UTP23: variants seen among roughly 807,000 people sequenced by gnomAD.
The protein encoded by UTP23 is rRNA-processing protein UTP23 homolog.
UTP23 carries 10 observed loss-of-function variants against 19.8 expected under a neutral mutation model. That is an observed-to-expected ratio of 0.50 (90% CI 0.31 to 0.86). The LOEUF (loss-of-function observed/expected upper bound fraction) is 0.86. UTP23 is among the 40% of genes least tolerant of loss of function. UTP23 has a pLI of 0.05. For missense variants in UTP23, 282 were observed against 293.1 expected, an observed-to-expected ratio of 0.96 and a Z score of 0.28; for synonymous variants, 108 against 105.4, an observed-to-expected ratio of 1.02 and a Z score of -0.15.
At position 116,773,679 on chromosome 8, in the gene UTP23, G is replaced by A. The variant is rs1319441945; in HGVS notation, c.*1837G>A. The A allele has an allele frequency of 2.9e-5, 8 of 279,458 alleles. No individual in the cohort carries two copies. The highest frequency in any genetic ancestry group is 4.3e-5 in the Non-Finnish European group (8 of 184,820). 17.3% of individuals were successfully genotyped at this position (279,458 alleles called of 1,614,324 possible). A position where few individuals can be genotyped will look rare whatever the true frequency, so the allele number is the denominator to read the frequency against. On this transcript the variant is annotated 3_prime_UTR_variant, in exon 3 of 3. Transcript: ENST00000309822. ...ACAAAAATTAGCTGGGTGTGGTGGT[G>A]TGCGCCTGTAGTCCCAGCTACTCGG...
chr8:116,769,200 G>A (rs1232343626), intron 1 of UTP23, among the ~76,000 whole-genome samples: 1 of 152,192 alleles, frequency 6.6e-6, no homozygotes, highest in Non-Finnish European at 1.5e-5. Flanking sequence ...GTGATGTGAA[G>A]GGTAAATTGG....
rs1815687507 is a variant in UTP23, at chr8:116,773,625, C to T, written c.*1783C>T. ...AAGAGATCAAGACCATCCTGGCCAA[C>T]ATGGTGAAACCCTGTCTGTACTAAA... On this transcript the variant is annotated 3_prime_UTR_variant, in exon 3 of 3. Transcript: ENST00000309822. 1 of 430,174 alleles carries T rather than the reference C, an allele frequency of 2.3e-6. No homozygotes were observed. Among genetic ancestry groups the T allele is most frequent in the African/African-American group, 2.2e-5 (1 of 46,372 alleles). The allele number at this position is 430,174 out of a possible 1,614,324, so 26.6% of individuals were successfully genotyped here.
At chr8:116,771,228 G>GT (rs1815646510) in intron 2 of UTP23, among the ~76,000 whole-genome samples, 1 of 152,154 alleles carries the variant, frequency 6.6e-6, no homozygotes, top group Non-Finnish European at 1.5e-5. Flanking sequence ...TGGCTCTAGA[G>GT]TATCGATAAA....
chr8:116,771,217 G>T (rs978709102), intron 2 of UTP23, among the ~76,000 whole-genome samples: 4 of 152,110 alleles, frequency 2.6e-5, no homozygotes, highest in African/African-American at 9.7e-5. Context: ...TTTGTAATTT[G>T]TGGCTCTAGA....
chr8:116,772,793 A>C lies in UTP23; in HGVS notation c.*951A>C, dbSNP rs185763558. ...GGGTCAATTCAGTTAGGAATTGAAT[A>C]ATGAAACGTGTCTCTCTGAATTCCC... On this transcript the variant is annotated 3_prime_UTR_variant, in exon 3 of 3. Transcript: ENST00000309822. 1 of 985,478 alleles carries C rather than the reference A, an allele frequency of 1.0e-6. No individual in the cohort carries two copies. Among genetic ancestry groups the C allele is most frequent in the African/African-American group, 1.7e-5 (1 of 57,378 alleles). The allele number at this position is 985,478 out of a possible 1,614,324, so 61.0% of individuals were successfully genotyped here. A position where few individuals can be genotyped will look rare whatever the true frequency, so the allele number is the denominator to read the frequency against.
rs1428402041 is a variant in UTP23, at chr8:116,766,766, G to A, written c.163G>A (p.Gly55Arg). Residue 55 changes from glycine to arginine, a missense_variant, in exon 1 of 3, where the codon GGG (glycine) becomes AGG (arginine). Coordinates refer to ENST00000309822, the MANE Select transcript of UTP23 (RefSeq NM_032334.3). ...GGAGCAGCTGCCCCGCTACCTCATG[G>A]GGGAGACGCAGCTGTGCACCACAAG... ...LREQLPRYLMGETQLCTTRCV... is the reference protein window; with the variant it reads ...LREQLPRYLMRETQLCTTRCV... 1.3e-6 allele frequency: 2 copies of A among 1,581,270 alleles called. No individual in the cohort carries two copies. Among genetic ancestry groups the A allele is most frequent in the African/African-American group, 1.4e-5 (1 of 74,060 alleles).
In UTP23 at chr8:116,771,793, G is replaced by T; in HGVS notation, c.701G>T (p.Arg234Ile). ...AGAAAAAGAAAAAGAATTCGGAACA[G>T]ATCTAACCCAAAAGTACTTTCTGAG... ...KKRKRKRIRN[R>I]SNPKVLSEKQ... The change falls in exon 3 of 3, where the codon AGA becomes ATA. Residue 234 changes from arginine (R) to isoleucine (I), a missense_variant. Physicochemically the swap from Arg to Ile is moderately conservative, Grantham distance 97. Transcript: ENST00000309822. The T allele has an allele frequency of 6.3e-7, 1 of 1,597,102 alleles. No homozygotes were observed. Among genetic ancestry groups the T allele is most frequent in the Non-Finnish European group, 8.5e-7 (1 of 1,176,238 alleles).
intron 1 of UTP23, among the ~76,000 whole-genome samples, chr8:116,767,530 A>AAGAGGAG (rs962025084): frequency 2.0e-5 from 3 of 152,220 alleles, no homozygotes; most frequent in African/African-American, 7.2e-5. Context: ...TGTCGGGATG[A>AAGAGGAG]AGAGGAGAGA....
At chr8:116,768,105 A>G (rs559773507) in intron 1 of UTP23, among the ~76,000 whole-genome samples, 106 of 152,176 alleles carry the variant, frequency 7.0e-4, no homozygotes, top group Non-Finnish European at 1.3e-3. Flanking sequence ...TACTGTGTTA[A>G]TAGTCTCCTT....
rs762846588 is a variant in UTP23 at position 116,767,021 on chromosome 8, A to ACATT, written c.188+231_188+234dup. Reference sequence around the variant, plus strand: ...TGTCGTTAGCCTGGCGAATGAGAGCACATTATAGCAGAGAGATCCGACTTC... The same window carrying ACATT: ...TGTCGTTAGCCTGGCGAATGAGAGCACATTCATTATAGCAGAGAGATCCGACTTC... On this transcript the variant is annotated intron_variant, in intron 1 of 2. Transcript: ENST00000309822. 7 of 468,484 alleles carry ACATT rather than the reference A, an allele frequency of 1.5e-5. No individual in the cohort carries two copies. The East Asian group carries it at 2.5e-4, about 17-fold the overall frequency. The allele number at this position is 468,484 out of a possible 1,614,324, so 29.0% of individuals were successfully genotyped here. A position where few individuals can be genotyped will look rare whatever the true frequency, so the allele number is the denominator to read the frequency against.
At chr8:116,769,115 G>A (rs1382554886) in intron 1 of UTP23, among the ~76,000 whole-genome samples, 2 of 152,232 alleles carry the variant, frequency 1.3e-5, no homozygotes, top group East Asian at 3.8e-4. Flanking sequence ...GTTTGAAGAT[G>A]TGTGGAGTTA....
intron 1 of UTP23, among the ~76,000 whole-genome samples, chr8:116,769,727 C>G (rs138724606): frequency 3.5e-4 from 53 of 152,146 alleles, no homozygotes; most frequent in African/African-American, 1.1e-3. Flanking sequence ...TTTTACTGTT[C>G]TGAATTGAAA....
chr8:116,772,896 G>A lies in UTP23; in HGVS notation c.*1054G>A. On this transcript the variant is annotated 3_prime_UTR_variant, in exon 3 of 3. Coordinates refer to ENST00000309822, the MANE Select transcript of UTP23 (RefSeq NM_032334.3). The stretch of plus-strand genomic sequence containing the variant: ...ACAAGATGGAAGTATAAAATTATTG[G>A]ACAAGTGAAATCGTATCAGTAGTTC... 1 of 985,396 alleles carries A rather than the reference G, an allele frequency of 1.0e-6. No homozygotes were observed. The highest frequency in any genetic ancestry group is 1.2e-6 in the Non-Finnish European group (1 of 829,934). 61.0% of individuals were successfully genotyped at this position (985,396 alleles called of 1,614,324 possible).
chr8:116,768,147 A>C (rs1815608470), intron 1 of UTP23, among the ~76,000 whole-genome samples: 1 of 152,168 alleles, frequency 6.6e-6, no homozygotes, highest in Non-Finnish European at 1.5e-5. Flanking sequence ...ATGAACAGCT[A>C]TCTGTATTTG....
chr8:116,770,508 C>A, intron 2 of UTP23, 142 bp downstream of exon 2: 1 of 727,344 alleles, frequency 1.4e-6, no homozygotes, highest in Non-Finnish European at 2.0e-6. Flanking sequence ...TCAGTAAAAG[C>A]AATTGTCATT....
chr8:116,767,329 G>A (rs201930881), intron 1 of UTP23, among the ~76,000 whole-genome samples: 192 of 152,190 alleles, frequency 1.3e-3, no homozygotes, highest in Non-Finnish European at 2.2e-3. Context: ...CAAAAAGTCA[G>A]TACTTGAGAT....
rs1815637019 is a variant in UTP23, at chr8:116,770,462, A to G, written c.363+96A>G. ...ATCAGAAAAAAGTTAGAATGATTAGACTTTTAAAAATACAGGCTTCTAAGT... is the reference window on the plus strand; with the variant it reads ...ATCAGAAAAAAGTTAGAATGATTAGGCTTTTAAAAATACAGGCTTCTAAGT... On this transcript the variant is annotated intron_variant, in intron 2 of 2. Coordinates refer to ENST00000309822, the MANE Select transcript of UTP23 (RefSeq NM_032334.3). 5 of 1,222,468 alleles carry G rather than the reference A, an allele frequency of 4.1e-6. No homozygotes were observed. In the African/African-American group the frequency reaches 6.0e-5, roughly 15 times the overall value. 75.7% of individuals were successfully genotyped at this position (1,222,468 alleles called of 1,614,324 possible).
chr8:116,769,570 G>T (rs1815625069), intron 1 of UTP23, among the ~76,000 whole-genome samples: 1 of 152,174 alleles, frequency 6.6e-6, no homozygotes, highest in Admixed American at 6.6e-5. Context: ...TAGAGGTCAA[G>T]TCTAATGACT....
At chr8:116,770,000 G>A in intron 1 of UTP23, 192 bp from the exon 2 acceptor site, 1 of 529,970 alleles carries the variant, frequency 1.9e-6, no homozygotes, top group Non-Finnish European at 3.3e-6. Flanking sequence ...CATAATAAGT[G>A]CTCAGTTAAT....
Sources: allele counts gnomAD v4.1 joint callset (sites outside exome capture counted in the v4.1 genomes callset), GRCh38; gene constraint gnomAD v4.1.1; transcripts MANE v1.5; gene names NCBI Gene and HGNC (gene_info 2026-07-23, HGNC 2026-07-21).